Variants in ANK3 observed in about 807,000 individuals in gnomAD.
ANK3 encodes the protein ankyrin-3.
Under a neutral mutation model 370.9 loss-of-function variants are expected in ANK3, and 57 were observed. The observed-to-expected ratio is 0.15, with a 90% CI of 0.12 to 0.19. The LOEUF (loss-of-function observed/expected upper bound fraction) is 0.19, where lower values mean the gene tolerates loss of function less well. ANK3 is among the 10% of genes least tolerant of loss of function. ANK3 has a pLI of 1.00. For synonymous variants in ANK3, 1,929 were observed against 1,946.3 expected (o/e 0.99, Z 0.23); for missense variants, 4,439 against 5,302.1 (o/e 0.84, Z 5.06).
At chr10:60,234,234 C>A (rs2097294995) in intron 8 of ANK3, among the ~76,000 whole-genome samples, 1 of 152,174 alleles carries the variant, frequency 6.6e-6, no homozygotes, top group Non-Finnish European at 1.5e-5. Context: ...TTATTTTGGA[C>A]ATATACCCAG....
chr10:60,098,645 T>A (rs576526854), intron 28 of ANK3, among the ~76,000 whole-genome samples: 2 of 152,200 alleles, frequency 1.3e-5, no homozygotes, highest in Non-Finnish European at 2.9e-5. Context: ...GTTAACATCA[T>A]AGAGATCTTT....
chr10:60,601,266 G>C (rs1567173721), intron 2 of ANK3, among the ~76,000 whole-genome samples: 2 of 151,378 alleles, frequency 1.3e-5, no homozygotes, highest in Non-Finnish European at 2.9e-5. Context: ...CCTTGAATAT[G>C]GGCTGTACTC....
chr10:60,486,629 C>T (rs565909475), intron 2 of ANK3, among the ~76,000 whole-genome samples: 2 of 152,264 alleles, frequency 1.3e-5, no homozygotes, highest in East Asian at 1.9e-4. Context: ...ATTGTGGTCA[C>T]ATTTTATAAG....
chr10:60,724,624 C>T (rs2079915573), intron 1 of ANK3, among the ~76,000 whole-genome samples: 12 of 152,186 alleles, frequency 7.9e-5, no homozygotes, highest in Admixed American at 7.9e-4. Context: ...CTATATGGCA[C>T]ATCAGTCTCT....
intron 2 of ANK3, among the ~76,000 whole-genome samples, chr10:60,599,939 C>T (rs563238197): frequency 5.3e-5 from 8 of 152,184 alleles, no homozygotes; most frequent in South Asian, 4.1e-4. Context: ...GTTTTGTTTT[C>T]GCACAGCAAC....
At chr10:60,276,122 T>G (rs2098086899) in intron 4 of ANK3, among the ~76,000 whole-genome samples, 1 of 152,160 alleles carries the variant, frequency 6.6e-6, no homozygotes, top group Non-Finnish European at 1.5e-5. Flanking sequence ...TACAAATTCC[T>G]AGTTTATAGA....
At chr10:60,114,965 T>A (rs182403215) in intron 25 of ANK3, among the ~76,000 whole-genome samples, 58 of 152,276 alleles carry the variant, frequency 3.8e-4, no homozygotes, top group African/African-American at 1.4e-3. Context: ...CCTACAGGGG[T>A]CACTGTTGTT....
At chr10:60,683,981 C>A (rs1269090952) in intron 1 of ANK3, among the ~76,000 whole-genome samples, 2 of 152,200 alleles carry the variant, frequency 1.3e-5, no homozygotes, top group East Asian at 3.8e-4. Flanking sequence ...GAAATACCGT[C>A]ATTCTCTAAG....
chr10:60,246,732 C>G (rs2097561795), intron 7 of ANK3, among the ~76,000 whole-genome samples: 1 of 152,170 alleles, frequency 6.6e-6, no homozygotes, highest in South Asian at 2.1e-4. Flanking sequence ...CAGAGGGCTC[C>G]CTTTGAATTA....
rs191843881 is a variant in ANK3 at position 60,554,363 on chromosome 10, G to A, written c.96+60823C>T. 1.7e-3 allele frequency among the ~76,000 whole-genome samples: 266 copies of A among 152,232 alleles called. 1 individual carries two copies. The highest frequency in any genetic ancestry group is 6.1e-3 in the African/African-American group (253 of 41,546). On this transcript the variant is annotated intron_variant, in intron 2 of 43. Transcript: ENST00000373827. The stretch of plus-strand genomic sequence containing the variant: ...CAGGACAGCATGTTGCACCATAAAC[G>A]CAGGTAAGCACAGGTGGTCCTGCTG...
At chr10:60,218,995 C>T (rs1362056282) in intron 8 of ANK3, among the ~76,000 whole-genome samples, 2 of 151,766 alleles carry the variant, frequency 1.3e-5, no homozygotes, top group Admixed American at 1.3e-4. Flanking sequence ...TCCTTTTACT[C>T]TAGTCTTGTC....
intron 12 of ANK3, among the ~76,000 whole-genome samples, chr10:60,202,367 C>T (rs2096695611): frequency 6.6e-6 from 1 of 152,188 alleles, no homozygotes; most frequent in South Asian, 2.1e-4. Context: ...ATGTGACCGG[C>T]CTGCCTCAGC....
intron 1 of ANK3, among the ~76,000 whole-genome samples, chr10:60,334,041 C>A (rs1216852818): frequency 6.6e-6 from 1 of 152,050 alleles, no homozygotes; most frequent in Non-Finnish European, 1.5e-5. Context: ...GGAATTTCGG[C>A]AGAGAGCAGA....
intron 2 of ANK3, among the ~76,000 whole-genome samples, chr10:60,418,217 G>A (rs1333152176): frequency 6.6e-6 from 1 of 152,072 alleles, no homozygotes; most frequent in African/African-American, 2.4e-5. Flanking sequence ...AAGCACCACT[G>A]TGACTATGTT....
rs764913045 is a variant in ANK3 at position 60,261,970 on chromosome 10, C to T, written c.700-13G>A. 2.5e-6 allele frequency: 4 copies of T among 1,604,562 alleles called. No homozygotes were observed. The highest frequency in any genetic ancestry group is 3.4e-6 in the Non-Finnish European group (4 of 1,171,618). On this transcript the variant is annotated splice_polypyrimidine_tract_variant and intron_variant, in intron 6 of 43. Transcript: ENST00000280772. ...GAGTGAAGCCACTCTGTAAAGAAAA[C>T]ATAGCAGACATTCAATTGATTCCTG...
chr10:60,418,579 A>G (rs959710429), intron 2 of ANK3, among the ~76,000 whole-genome samples: 1 of 152,140 alleles, frequency 6.6e-6, no homozygotes, highest in African/African-American at 2.4e-5. Context: ...TAATATCAAA[A>G]TAATAAATAT....
chr10:60,340,515 G>A (rs1479942991), intron 1 of ANK3, among the ~76,000 whole-genome samples: 1 of 152,074 alleles, frequency 6.6e-6, no homozygotes, highest in Non-Finnish European at 1.5e-5. Context: ...GGGTTCAAGT[G>A]ATTCTCATGT....
At position 60,198,285 on chromosome 10, in the gene ANK3, G is replaced by A. The variant is rs1473970205; in HGVS notation, c.1689+55C>T. On this transcript the variant is annotated intron_variant, in intron 14 of 43. Coordinates refer to ENST00000280772, the MANE Select transcript of ANK3 (RefSeq NM_020987.5). Reference sequence around the variant, plus strand: ...TGGACCTGTTACTATGCGGGGAAACGTAAGGAAGATGTATTTGGGGGGACA... The same window carrying A: ...TGGACCTGTTACTATGCGGGGAAACATAAGGAAGATGTATTTGGGGGGACA... The A allele has an allele frequency of 2.5e-5, 39 of 1,572,736 alleles. No homozygotes were observed. In the Middle Eastern group the frequency reaches 1.1e-3, roughly 43 times the overall value.
intron 2 of ANK3, among the ~76,000 whole-genome samples, chr10:60,395,564 C>CTTTCTTTCT (rs1555367097): frequency 0.01 from 1,026 of 101,178 alleles, 14 homozygotes; most frequent in Middle Eastern, 0.02. Flanking sequence ...TTCTTTCTTT[C>CTTTCTTTCT]TTTCTTTCTT....
Sources: gnomAD v4.1 joint callset for allele counts (sites outside exome capture counted in the v4.1 genomes callset) on GRCh38, gnomAD v4.1.1 for gene constraint, MANE v1.5 for transcripts, NCBI Gene and HGNC (gene_info 2026-07-23, HGNC 2026-07-21) for gene names.